STK32B: variants seen among roughly 807,000 people sequenced by gnomAD.
The protein encoded by STK32B is serine/threonine-protein kinase 32B.
In STK32B, 43 loss-of-function variants were observed where a neutral mutation model predicts 52.6. The ratio of observed to expected loss-of-function variants is 0.82; its 90% CI spans 0.64 to 1.05. The LOEUF is 1.05. Among genes scored for constraint, STK32B ranks in the 50% least tolerant of loss-of-function variants. The probability of loss-of-function intolerance (pLI) is 0.00; values close to 1 mark genes in which losing one functional copy is unlikely to be tolerated. For synonymous variants in STK32B, 238 were observed against 204.3 expected (o/e 1.17, Z -1.41); for missense variants, 621 against 534.6 (o/e 1.16, Z -1.59).
At chr4:5,353,674 C>A (rs1396443229) in intron 4 of STK32B, among the ~76,000 whole-genome samples, 2 of 151,950 alleles carry the variant, frequency 1.3e-5, no homozygotes, top group African/African-American at 4.8e-5. Context: ...AAATGAAAAT[C>A]AAAAGAACAA....
chr4:5,191,840 A>G (rs1375445681), intron 3 of STK32B, among the ~76,000 whole-genome samples: 1 of 152,208 alleles, frequency 6.6e-6, no homozygotes, highest in Non-Finnish European at 1.5e-5. Context: ...GCAGCACATG[A>G]ATGGTTAAAG....
chr4:5,208,551 A>G (rs761900122), intron 3 of STK32B, among the ~76,000 whole-genome samples: 2 of 152,296 alleles, frequency 1.3e-5, no homozygotes, highest in South Asian at 4.2e-4. Context: ...GGCAAAACTA[A>G]ATGACTTTAT....
chr4:5,372,168 G>A (rs1735286892), intron 4 of STK32B, among the ~76,000 whole-genome samples: 2 of 152,242 alleles, frequency 1.3e-5, no homozygotes, highest in Admixed American at 1.3e-4. Context: ...GGGCTTACAT[G>A]TGAGAAAGTA....
At chr4:5,361,926 A>C (rs779237077) in intron 4 of STK32B, among the ~76,000 whole-genome samples, 7 of 152,236 alleles carry the variant, frequency 4.6e-5, no homozygotes, top group Non-Finnish European at 8.8e-5. Context: ...TCAGCATTGC[A>C]GTTTGGAAGA....
chr4:5,292,098 A>G (rs187118696), intron 3 of STK32B, among the ~76,000 whole-genome samples: 2 of 152,296 alleles, frequency 1.3e-5, no homozygotes, highest in Admixed American at 1.3e-4. Flanking sequence ...ATGCTGCAAT[A>G]AAAACACGAG....
intron 6 of STK32B, chr4:5,435,689 T>C (rs1355979329): frequency 6.6e-6 from 1 of 152,216 alleles, no homozygotes. Context: ...TTCCTGCATA[T>C]CTTCTTGGTA....
intron 3 of STK32B, among the ~76,000 whole-genome samples, chr4:5,267,973 G>A (rs897308320): frequency 6.6e-6 from 1 of 152,104 alleles, no homozygotes; most frequent in African/African-American, 2.4e-5. Context: ...CGATGCTTGG[G>A]GCATGCTCTT....
intron 3 of STK32B, among the ~76,000 whole-genome samples, chr4:5,189,803 C>G (rs751176370): frequency 6.6e-6 from 1 of 152,152 alleles, no homozygotes; most frequent in Non-Finnish European, 1.5e-5. Flanking sequence ...GCTGCTCCCT[C>G]CACATCCTCG....
At chr4:5,211,130 C>T (rs142558784) in intron 3 of STK32B, among the ~76,000 whole-genome samples, 68 of 152,176 alleles carry the variant, frequency 4.5e-4, no homozygotes, top group Middle Eastern at 3.4e-3. Flanking sequence ...TTGAAGAGTC[C>T]CGTGAATAGT....
At chr4:5,040,958 A>T in the STK32B span, among the ~76,000 whole-genome samples, 1 of 152,232 alleles carries the variant, frequency 6.6e-6, no homozygotes, top group African/African-American at 2.4e-5. Context: ...AGAAAAATAC[A>T]GTAGTCTCAT....
At chr4:5,074,114 A>C (rs1462111327) in intron 1 of STK32B, among the ~76,000 whole-genome samples, 1 of 151,778 alleles carries the variant, frequency 6.6e-6, no homozygotes, top group Non-Finnish European at 1.5e-5. Context: ...TTAGAACTTC[A>C]GTAACATGTA....
chr4:5,491,879 A>C (rs1015022965), intron 11 of STK32B, among the ~76,000 whole-genome samples: 4 of 152,230 alleles, frequency 2.6e-5, no homozygotes, highest in East Asian at 1.9e-4. Context: ...GTCAAAGATC[A>C]GATGGTTGTA....
rs191479257 is a variant in STK32B at position 5,262,703 on chromosome 4, T to A, written c.261-68517T>A. Among the ~76,000 whole-genome samples, 682 of 152,248 alleles carry A rather than the reference T, an allele frequency of 4.5e-3. 4 individuals carry two copies. Among genetic ancestry groups the A allele is most frequent in the African/African-American group, 0.014 (576 of 41,534 alleles). ...TATGGTTAAGTATTAACCAATTTTTTAAAGCATATTAAAACAGCATGTAAA... is the reference window on the plus strand; with the variant it reads ...TATGGTTAAGTATTAACCAATTTTTAAAAGCATATTAAAACAGCATGTAAA... On this transcript the variant is annotated intron_variant, in intron 3 of 11. Transcript: ENST00000282908.
chr4:5,398,263 C>G lies in STK32B; in HGVS notation c.472+19C>G. The G allele has an allele frequency of 6.2e-7, 1 of 1,613,870 alleles. No individual in the cohort carries two copies. Among genetic ancestry groups the G allele is most frequent in the South Asian group, 1.1e-5 (1 of 91,012 alleles). ...GAACACGGTAAGCCTGCTACTAATC[C>G]TTTACAGGGACTCTCAGTGGAAAGT... On this transcript the variant is annotated intron_variant, in intron 5 of 11. Transcript: ENST00000282908. This position sits in a 1 kb window ranked among gnomAD's most constrained non-coding sequence, Gnocchi z 4.9.
chr4:5,099,454 G>GCGCGTGCGCGCGCA (rs1553823530), intron 1 of STK32B, among the ~76,000 whole-genome samples: 14 of 129,850 alleles, frequency 1.1e-4, no homozygotes, highest in African/African-American at 3.6e-4. Context: ...GTGTGTGCGC[G>GCGCGTGCGCGCGCA]CGCGCGTATG....
intron 3 of STK32B, among the ~76,000 whole-genome samples, chr4:5,326,738 G>A (rs1218166147): frequency 6.6e-6 from 1 of 152,160 alleles, no homozygotes; most frequent in East Asian, 1.9e-4. Context: ...CCTCAATGTT[G>A]ATGGCTGCTT....
chr4:5,283,097 G>A (rs1577290630), intron 3 of STK32B, among the ~76,000 whole-genome samples: 1 of 151,984 alleles, frequency 6.6e-6, no homozygotes. Flanking sequence ...CCCCTCCCTA[G>A]CCTCTGATAA....
At chr4:5,368,879 G>A (rs1373594105) in intron 4 of STK32B, among the ~76,000 whole-genome samples, 3 of 152,170 alleles carry the variant, frequency 2.0e-5, no homozygotes, top group African/African-American at 7.2e-5. Flanking sequence ...TGGGGCAGAG[G>A]AGGGGTTGCT....
chr4:5,265,037 G>A (rs770852246), intron 3 of STK32B, among the ~76,000 whole-genome samples: 3 of 152,074 alleles, frequency 2.0e-5, no homozygotes, highest in South Asian at 2.1e-4. Flanking sequence ...AGTCTTCTGT[G>A]TTCCTTCTAG....
Sources: gnomAD v4.1 joint callset for allele counts (sites outside exome capture counted in the v4.1 genomes callset) on GRCh38, gnomAD v4.1.1 for gene constraint, Gnocchi (gnomAD v3.1) non-coding constraint, MANE v1.5 for transcripts, NCBI Gene and HGNC (gene_info 2026-07-23, HGNC 2026-07-21) for gene names.